The following MYH11 variants were observed in gnomAD, a reference collection of about 807,000 sequenced individuals.
MYH11 encodes the protein myosin heavy chain 11.
In MYH11, 80 loss-of-function variants were observed where a neutral mutation model predicts 246.6. The ratio of observed to expected loss-of-function variants is 0.32; its 90% CI spans 0.27 to 0.39. MYH11 has a LOEUF of 0.39. Ranked by LOEUF, MYH11 falls within the 10% of genes least tolerant of loss-of-function variation. The probability of loss-of-function intolerance (pLI) is 1.00; values close to 1 mark genes in which losing one functional copy is unlikely to be tolerated. For synonymous variants in MYH11, 1,071 were observed against 1,015.5 expected (o/e 1.05, Z -1.04); for missense variants, 2,158 against 2,546.8 (o/e 0.85, Z 3.29).
rs117847433 is a variant in MYH11 at position 15,755,094 on chromosome 16, C to A, written c.1749+1247G>T. 4.9e-3 allele frequency among the ~76,000 whole-genome samples: 748 copies of A among 152,328 alleles called. 15 individuals carry two copies. Among genetic ancestry groups the A allele is most frequent in the East Asian group, 0.044 (227 of 5,182 alleles). On this transcript the variant is annotated intron_variant, in intron 14 of 40. Coordinates refer to ENST00000300036, the MANE Select transcript of MYH11 (RefSeq NM_002474.3). Reference sequence around the variant, plus strand: ...CTGTGTTCCAATAAAACTTTATTTACAATAACAAGCTGTGGGCCAGATCGG... The same window carrying A: ...CTGTGTTCCAATAAAACTTTATTTAAAATAACAAGCTGTGGGCCAGATCGG...
Position 15,753,493 on chromosome 16 carries a change from T to G in MYH11, c.1765A>C (p.Ser589Arg). The G allele has an allele frequency of 6.2e-7, 1 of 1,614,092 alleles. No homozygotes were observed. The stretch of plus-strand genomic sequence containing the variant: ...TCCATATTCTTGGTCAGCCAGGCAC[T>G]CGCATTATAGTCCACCTGCCAAGGA... ...HYAGKVDYNA[S>R]AWLTKNMDPL... Residue 589 changes from serine (S) to arginine (R), a missense_variant, in exon 15 of 41, where the codon AGT (serine) becomes CGT (arginine). Transcript: ENST00000300036.
At position 15,737,474 on chromosome 16, in the gene MYH11, C is replaced by T; in HGVS notation, c.3268G>A (p.Glu1090Lys). 6.2e-7 allele frequency: 1 copy of T among 1,613,550 alleles called. No individual in the cohort carries two copies. Among genetic ancestry groups the T allele is most frequent in the African/African-American group, 1.3e-5 (1 of 75,056 alleles). ...CTGGCCAGGGCCGCCTGCAGCTCCTCCTCCTTCTTGGCCAGCTGCATCTTG... is the reference window on the plus strand; with the variant it reads ...CTGGCCAGGGCCGCCTGCAGCTCCTTCTCCTTCTTGGCCAGCTGCATCTTG... ...ELKMQLAKKEEELQAALARLD... is the reference protein window; with the variant it reads ...ELKMQLAKKEKELQAALARLD... The change falls in exon 25 of 41, where the codon GAG (glutamate) becomes AAG (lysine). Residue 1090 changes from glutamate to lysine, a missense_variant. This residue lies in a region of MYH11 where 284 missense variants were observed against 315.4 expected (regional missense o/e 0.90). Coordinates refer to ENST00000300036, the MANE Select transcript of MYH11 (RefSeq NM_002474.3).
chr16:15,788,520 AAAAG>A (rs1166277631), intron 4 of MYH11, among the ~76,000 whole-genome samples: 1 of 152,126 alleles, frequency 6.6e-6, no homozygotes, highest in African/African-American at 2.4e-5. Flanking sequence ...CATGGCTTAA[AAAAG>A]AAATAGAAGA....
chr16:15,811,749 C>G (rs571395315), intron 3 of MYH11, among the ~76,000 whole-genome samples: 2 of 152,060 alleles, frequency 1.3e-5, no homozygotes, highest in South Asian at 2.1e-4. Context: ...TCACTCCACC[C>G]GCAGAGTTGT....
intron 37 of MYH11, chr16:15,717,721 G>A (rs1376852761): frequency 9.1e-6 from 3 of 328,954 alleles, no homozygotes; most frequent in Non-Finnish European, 5.7e-6. Flanking sequence ...CCTTGAACTT[G>A]GGAGGCAGAG....
chr16:15,738,656 G>C lies in MYH11; in HGVS notation c.3030C>G (p.Asp1010Glu), dbSNP rs374785690. Residue 1010 changes from aspartate to glutamate, a missense_variant, in exon 24 of 41, where the codon GAC (aspartate) becomes GAG (glutamate). By Grantham distance (45) the Asp-to-Glu change is conservative. This residue lies in a region of MYH11 where 284 missense variants were observed against 315.4 expected (regional missense o/e 0.90). Transcript: ENST00000300036. ...ERKLLEERIS[D>E]LTTNLAEEEE... ...CCTCTTCTGCAAGATTTGTCGTTAA[G>C]TCACTAATCCTCTCCTCAAGGAGTT... is the stretch of plus-strand genomic sequence containing the variant. The C allele has an allele frequency of 5.6e-6, 9 of 1,613,780 alleles. No homozygotes were observed. The African/African-American group carries it at 8.0e-5, about 14-fold the overall frequency.
chr16:15,731,003 T>G (rs2040944913), intron 27 of MYH11, among the ~76,000 whole-genome samples: 1 of 152,172 alleles, frequency 6.6e-6, no homozygotes, highest in South Asian at 2.1e-4. Flanking sequence ...CTTTTTTTTT[T>G]TTACAAAAGA....
chr16:15,820,197 C>T (rs1486576931), intron 3 of MYH11, among the ~76,000 whole-genome samples: 1 of 152,090 alleles, frequency 6.6e-6, no homozygotes, highest in Non-Finnish European at 1.5e-5. Flanking sequence ...ACAAAATTAG[C>T]CTGGTGTGAT....
At chr16:15,753,582 C>T (rs1288361167) in intron 14 of MYH11, 74 bp from the exon 15 acceptor site, 2 of 1,111,912 alleles carry the variant, frequency 1.8e-6, no homozygotes, top group Admixed American at 3.5e-5. Flanking sequence ...GACCCCAGCC[C>T]TCCCATTGTC....
intron 22 of MYH11, among the ~76,000 whole-genome samples, chr16:15,740,601 ACT>A (rs1282446281): frequency 2.1e-5 from 3 of 140,866 alleles, no homozygotes; most frequent in Non-Finnish European, 4.6e-5. Flanking sequence ...AGAGAGTGAG[ACT>A]CTGTCTCAAA....
chr16:15,711,953 A>G (rs1254354043), intron 40 of MYH11, among the ~76,000 whole-genome samples: 2 of 152,180 alleles, frequency 1.3e-5, no homozygotes, highest in African/African-American at 4.8e-5. Flanking sequence ...TTGGCCTCCC[A>G]AAGTGCTGGG....
At chr16:15,782,350 C>A (rs767966149) in intron 6 of MYH11, 35 bp downstream of exon 6, 2 of 1,597,184 alleles carry the variant, frequency 1.3e-6, no homozygotes, top group Non-Finnish European at 1.7e-6. Flanking sequence ...GACACCAAAG[C>A]TTTTCTGGAA....
At position 15,838,200 on chromosome 16, in the gene MYH11, T is replaced by C. The variant is rs756777282; in HGVS notation, c.53A>G (p.Lys18Arg). Reference sequence around the variant, plus strand: ...GGCCACTGGGCTGTTGATGAAGTTTTTGTCCACAAAGAGGAACTTCTCATC... The same window carrying C: ...GGCCACTGGGCTGTTGATGAAGTTTCTGTCCACAAAGAGGAACTTCTCATC... Reference protein sequence around the residue: ...SDDEKFLFVDKNFINSPVAQA... With the variant: ...SDDEKFLFVDRNFINSPVAQA... Residue 18 changes from lysine (K) to arginine (R), a missense_variant, in exon 2 of 41, where the codon AAA (lysine) becomes AGA (arginine). Physicochemically the swap from Lys to Arg is conservative, Grantham distance 26. Transcript: ENST00000300036. 6.8e-6 allele frequency: 11 copies of C among 1,614,098 alleles called. No homozygotes were observed. The Admixed American group carries it at 1.8e-4, about 27-fold the overall frequency.
Position 15,703,772 on chromosome 16 carries a change from T to G in MYH11, c.*219A>C. On this transcript the variant is annotated 3_prime_UTR_variant, in exon 41 of 41. Coordinates refer to ENST00000300036, the MANE Select transcript of MYH11 (RefSeq NM_002474.3). ...CCCAGCTTATTTTTAAATTCTTGTA[T>G]AGATGAGGTTTTACTACGTTGCCCA... 1 of 620,216 alleles carries G rather than the reference T, an allele frequency of 1.6e-6. No individual in the cohort carries two copies. The highest frequency in any genetic ancestry group is 2.8e-6 in the Non-Finnish European group (1 of 351,302). 38.4% of individuals were successfully genotyped at this position (620,216 alleles called of 1,614,324 possible). A position where few individuals can be genotyped will look rare whatever the true frequency, so the allele number is the denominator to read the frequency against.
At chr16:15,715,120 G>A in intron 39 of MYH11, 39 bp from the exon 40 acceptor site, 1 of 1,611,964 alleles carries the variant, frequency 6.2e-7, no homozygotes. Context: ...GGGGAGGCCG[G>A]CTGGGGGCTG....
intron 20 of MYH11, 157 bp from the exon 21 acceptor site, chr16:15,742,048 G>A (rs992224138): frequency 7.2e-5 from 87 of 1,203,148 alleles, no homozygotes; most frequent in Non-Finnish European, 9.7e-5. Context: ...TCACAGCTGG[G>A]GTGGGGGGTG....
At chr16:15,728,978 C>T (rs189991282) in intron 27 of MYH11, among the ~76,000 whole-genome samples, 133 of 152,072 alleles carry the variant, frequency 8.7e-4, no homozygotes, top group Non-Finnish European at 1.5e-4. Context: ...GAAAGAGAAG[C>T]GCAAGTATCC....
At chr16:15,835,569 A>G (rs1370568635) in intron 2 of MYH11, among the ~76,000 whole-genome samples, 2 of 152,182 alleles carry the variant, frequency 1.3e-5, no homozygotes, top group Non-Finnish European at 1.5e-5. Context: ...CCAAAGAGAC[A>G]CAAGGATGCC....
At chr16:15,706,757 A>G (rs945266453) in intron 40 of MYH11, among the ~76,000 whole-genome samples, 1 of 152,102 alleles carries the variant, frequency 6.6e-6, no homozygotes, top group African/African-American at 2.4e-5. Context: ...CCTAACCTCC[A>G]CATCAGTGCT....
Sources: gnomAD v4.1 joint callset for allele counts (sites outside exome capture counted in the v4.1 genomes callset) on GRCh38, gnomAD v4.1.1 for gene constraint, gnomAD v4.1.1 regional missense constraint, MANE v1.5 for transcripts, NCBI Gene and HGNC (gene_info 2026-07-23, HGNC 2026-07-21) for gene names.